DENND4A: variants seen among roughly 807,000 people sequenced by gnomAD.
DENND4A encodes DENN domain containing 4A.
A neutral mutation model predicts 199.3 loss-of-function variants in DENND4A; 70 were observed. The ratio of observed to expected loss-of-function variants is 0.35; its 90% CI spans 0.29 to 0.43. DENND4A has a LOEUF of 0.43. Ranked by LOEUF, DENND4A falls within the 20% of genes least tolerant of loss-of-function variation. DENND4A has a pLI of 1.00. For missense variants in DENND4A, 1,723 were observed against 2,255.8 expected (o/e 0.76, Z 4.78); for synonymous variants, 686 against 766.9 (o/e 0.89, Z 1.74).
chr15:65,752,353 G>A (rs1406844646), intron 4 of DENND4A, 26 bp downstream of exon 4: 2 of 816,528 alleles, frequency 2.4e-6, no homozygotes, highest in Non-Finnish European at 3.5e-6. Flanking sequence ...AGTGGTTAAT[G>A]TTACCAGTGC....
chr15:65,784,375 A>T (rs994421825), intron 1 of DENND4A, among the ~76,000 whole-genome samples: 3 of 152,042 alleles, frequency 2.0e-5, no homozygotes, highest in African/African-American at 4.8e-5. Flanking sequence ...GTAGTAATGT[A>T]CCAACATTGG....
intron 1 of DENND4A, among the ~76,000 whole-genome samples, chr15:65,772,448 C>A (rs919286805): frequency 6.6e-6 from 1 of 152,194 alleles, no homozygotes; most frequent in Non-Finnish European, 1.5e-5. Context: ...GTGGCTCACA[C>A]CTGTAATCCC....
In DENND4A at chr15:65,792,258, C is replaced by G. The variant is rs905287544; in HGVS notation, c.-350G>C. On this transcript the variant is annotated 5_prime_UTR_variant, in exon 1 of 33. Transcript: ENST00000443035. ...CTCCGCCTCTTTCTCCGACTCTAGC[C>G]TCCGCGGCCACCGCGACCGGCGCCA... 6.6e-6 allele frequency: 1 copy of G among 152,430 alleles called. No individual in the cohort carries two copies. The highest frequency in any genetic ancestry group is 1.5e-5 in the Non-Finnish European group (1 of 68,266). 9.4% of individuals were successfully genotyped at this position (152,430 alleles called of 1,614,324 possible).
rs1157316893 is a variant in DENND4A at position 65,702,865 on chromosome 15, T to C, written c.2223+8A>G. The C allele has an allele frequency of 6.2e-7, 1 of 1,601,890 alleles. No individual in the cohort carries two copies. Among genetic ancestry groups the C allele is most frequent in the Non-Finnish European group, 8.5e-7 (1 of 1,175,376 alleles). On this transcript the variant is annotated splice_region_variant and intron_variant, in intron 16 of 32. Coordinates refer to ENST00000443035, the MANE Select transcript of DENND4A (RefSeq NM_001320835.1). ...AAATTTGATTACATGAAGAATGTGA[T>C]AAAGTACCTGTTTTGTTCTTCTGAA...
intron 5 of DENND4A, among the ~76,000 whole-genome samples, chr15:65,740,447 TAAA>T (rs1046623413): frequency 2.6e-5 from 3 of 114,454 alleles, no homozygotes. Context: ...CCATCTCTAC[TAAA>T]AAAAAAAAAA....
At position 65,714,213 on chromosome 15, in the gene DENND4A, C is replaced by A. The variant is rs1026902681; in HGVS notation, c.1953+1265G>T. 4.6e-5 allele frequency among the ~76,000 whole-genome samples: 7 copies of A among 151,960 alleles called. No homozygotes were observed. The South Asian group carries it at 8.3e-4, about 18-fold the overall frequency. ...GATCACGAGGTCAGGAGATCAAGAC[C>A]ATCCTGGCTAACACAGTGAAACCCC... is the stretch of plus-strand genomic sequence containing the variant. On this transcript the variant is annotated intron_variant, in intron 14 of 32. Coordinates refer to ENST00000443035, the MANE Select transcript of DENND4A (RefSeq NM_001320835.1).
chr15:65,678,646 T>C (rs148115236), intron 23 of DENND4A, among the ~76,000 whole-genome samples: 2 of 152,380 alleles, frequency 1.3e-5, no homozygotes, highest in African/African-American at 4.8e-5. Context: ...GATAACCTCA[T>C]TTATGAGAAT....
At chr15:65,771,728 T>G (rs1448823808) in intron 1 of DENND4A, 1 of 1,610,984 alleles carries the variant, frequency 6.2e-7, no homozygotes, top group African/African-American at 1.3e-5. Flanking sequence ...TGGAGTTATA[T>G]CAACTTCACA....
chr15:65,693,707 C>T (rs1459202817), intron 22 of DENND4A, among the ~76,000 whole-genome samples: 2 of 151,854 alleles, frequency 1.3e-5, no homozygotes, highest in Admixed American at 1.3e-4. Context: ...TCTTCCCTAA[C>T]AACCCCAAAC....
chr15:65,791,461 AC>A (rs1453471008), intron 1 of DENND4A, among the ~76,000 whole-genome samples: 1 of 123,044 alleles, frequency 8.1e-6, no homozygotes, highest in South Asian at 3.1e-4. Context: ...CCCACCACAC[AC>A]CCCCCCAAAA....
At chr15:65,710,600 T>C (rs1011360870) in intron 14 of DENND4A, among the ~76,000 whole-genome samples, 1 of 152,216 alleles carries the variant, frequency 6.6e-6, no homozygotes, top group South Asian at 2.1e-4. Context: ...AAACCCACAA[T>C]TGTTCCTATA....
chr15:65,685,280 C>A (rs754292675), intron 23 of DENND4A, among the ~76,000 whole-genome samples: 1 of 152,150 alleles, frequency 6.6e-6, no homozygotes, highest in African/African-American at 2.4e-5. Flanking sequence ...GCGCCTGGCA[C>A]CGTGCCCGGC....
chr15:65,697,830 T>C (rs145559777), intron 20 of DENND4A, among the ~76,000 whole-genome samples: 6 of 152,316 alleles, frequency 3.9e-5, no homozygotes, highest in African/African-American at 1.4e-4. Context: ...ACAAAAAAAT[T>C]GGATTTCTTC....
intron 25 of DENND4A, among the ~76,000 whole-genome samples, chr15:65,670,572 G>C (rs1299094227): frequency 1.3e-5 from 2 of 152,196 alleles, no homozygotes; most frequent in African/African-American, 2.4e-5. Context: ...TTACTGGATT[G>C]TGATGAGATA....
At chr15:65,788,566 T>C (rs1253507486) in intron 1 of DENND4A, among the ~76,000 whole-genome samples, 1 of 152,160 alleles carries the variant, frequency 6.6e-6, no homozygotes, top group African/African-American at 2.4e-5. Flanking sequence ...AATGTCTTCT[T>C]TGTAATTATA....
chr15:65,735,347 C>T (rs2076084034), intron 7 of DENND4A, among the ~76,000 whole-genome samples: 1 of 152,182 alleles, frequency 6.6e-6, no homozygotes, highest in Non-Finnish European at 1.5e-5. Context: ...CACTATACTC[C>T]AGCCTGGGCG....
intron 1 of DENND4A, among the ~76,000 whole-genome samples, chr15:65,781,042 T>C (rs971376727): frequency 2.4e-4 from 37 of 152,100 alleles, no homozygotes; most frequent in African/African-American, 8.4e-4. Flanking sequence ...CTAGAGAAAG[T>C]AATGCCCAGC....
At chr15:65,716,794 A>G (rs1596508598) in intron 13 of DENND4A, among the ~76,000 whole-genome samples, 1 of 151,766 alleles carries the variant, frequency 6.6e-6, no homozygotes, top group Non-Finnish European at 1.5e-5. Context: ...TGGTATTTCC[A>G]GTTCTAGATC....
chr15:65,751,470 G>T (rs535231137), intron 4 of DENND4A, among the ~76,000 whole-genome samples: 1 of 152,274 alleles, frequency 6.6e-6, no homozygotes, highest in East Asian at 1.9e-4. Context: ...GTCCAGATTA[G>T]ACAAATTTAG....
Sources: allele counts gnomAD v4.1 joint callset (sites outside exome capture counted in the v4.1 genomes callset), GRCh38; gene constraint gnomAD v4.1.1; transcripts MANE v1.5; gene names NCBI Gene and HGNC (gene_info 2026-07-23, HGNC 2026-07-21).